The following DMD variants were observed in gnomAD, a reference collection of about 807,000 sequenced individuals.
DMD encodes the protein mutant dystrophin.
Under a neutral mutation model 330.1 loss-of-function variants are expected in DMD, and 63 were observed. The ratio of observed to expected loss-of-function variants is 0.19; its 90% confidence interval spans 0.16 to 0.24. The LOEUF (loss-of-function observed/expected upper bound fraction) is 0.24, where lower values mean the gene tolerates loss of function less well. Among genes scored for constraint, DMD ranks in the 10% least tolerant of loss-of-function variants. The pLI is 1.00. For synonymous variants in DMD, 1,223 were observed against 959.8 expected (o/e 1.27, Z -5.07); for missense variants, 3,344 against 2,684.1 (o/e 1.25, Z -5.43).
chrX:31,612,301 T>C (rs2077967559), intron 55 of DMD, among the ~76,000 whole-genome samples: 1 of 112,112 alleles, frequency 8.9e-6, no homozygotes, highest in Admixed American at 9.5e-5. Context: ...AGCTCATCTT[T>C]TGATTTGCTG....
intron 54 of DMD, among the ~76,000 whole-genome samples, chrX:31,641,866 T>C (rs1447819793): frequency 2.7e-5 from 3 of 111,702 alleles, no homozygotes; most frequent in Admixed American, 9.5e-5. Context: ...ATGTATAATA[T>C]CATTTAAGTG....
rs1420117233 is a variant in DMD at position 32,668,518 on chromosome X, C to A, written c.961-23366G>T. Reference sequence around the variant, plus strand: ...GGTTCCTTCGCATCTCTGCATTATTCACACATTGCTGTAGAAGGTGCTAAA... The same window carrying A: ...GGTTCCTTCGCATCTCTGCATTATTAACACATTGCTGTAGAAGGTGCTAAA... On this transcript the variant is annotated intron_variant, in intron 9 of 78. Transcript: ENST00000357033. Among the ~76,000 whole-genome samples, 4 of 112,162 alleles carry A rather than the reference C, an allele frequency of 3.6e-5. No individual in the cohort carries two copies. The East Asian group carries it at 1.1e-3, about 31-fold the overall frequency.
intron 17 of DMD, among the ~76,000 whole-genome samples, chrX:32,536,876 T>A (rs2048037764): frequency 8.9e-6 from 1 of 111,739 alleles, no homozygotes. Flanking sequence ...ATAATCTAAT[T>A]AAAACTGCAT....
At chrX:32,707,479 C>T (rs1328393056) in intron 7 of DMD, among the ~76,000 whole-genome samples, 1 of 111,415 alleles carries the variant, frequency 9.0e-6, no homozygotes. Flanking sequence ...AATGAAAATT[C>T]GCAACCAACT....
intron 60 of DMD, among the ~76,000 whole-genome samples, chrX:31,436,984 T>C (rs1358528991): frequency 8.9e-6 from 1 of 111,880 alleles, no homozygotes; most frequent in Non-Finnish European, 1.9e-5. Context: ...CACATCAGAC[T>C]AGATATTATA....
chrX:32,022,084 A>G lies in DMD; in HGVS notation c.6439-53570T>C, dbSNP rs187447509. ...AAAGTAGTAGGTATACATTACCTCA[A>G]TCATTCAAAAGCAATGAGATGTGGT... On this transcript the variant is annotated intron_variant, in intron 44 of 78. Coordinates refer to ENST00000357033, the MANE Select transcript of DMD (RefSeq NM_004006.3). Among the ~76,000 whole-genome samples, 6 of 111,887 alleles carry G rather than the reference A, an allele frequency of 5.4e-5. No individual in the cohort carries two copies. In the Admixed American group the frequency reaches 5.7e-4, roughly 11 times the overall value.
chrX:32,698,252 T>C (rs943016928), intron 8 of DMD, among the ~76,000 whole-genome samples: 1 of 111,260 alleles, frequency 9.0e-6, no homozygotes, highest in Non-Finnish European at 1.9e-5. Context: ...GATTCCAAAG[T>C]AACACAACTC....
At chrX:31,652,283 T>G (rs1005522736) in intron 54 of DMD, among the ~76,000 whole-genome samples, 1 of 111,636 alleles carries the variant, frequency 9.0e-6, no homozygotes, top group African/African-American at 3.3e-5. Context: ...CCTCCCTCTC[T>G]CTCTCCACTT....
chrX:32,604,662 C>T (rs1023195526), intron 12 of DMD, among the ~76,000 whole-genome samples: 2 of 110,419 alleles, frequency 1.8e-5, no homozygotes, highest in East Asian at 5.7e-4. Context: ...ACCCTTAAGA[C>T]TCCTCCAAAA....
chrX:32,203,820 C>A (rs1603628207), intron 44 of DMD, among the ~76,000 whole-genome samples: 1 of 111,794 alleles, frequency 8.9e-6, no homozygotes, highest in Admixed American at 9.5e-5. Context: ...TTATGAAGTG[C>A]TTTGTTATGT....
chrX:31,127,071 A>C (rs1162865219), intron 77 of DMD, among the ~76,000 whole-genome samples: 1 of 112,399 alleles, frequency 8.9e-6, no homozygotes, highest in Non-Finnish European at 1.9e-5. Flanking sequence ...AGCACATTGA[A>C]ACATAAACAG....
chrX:32,463,622 C>A, intron 24 of DMD, 28 bp from the exon 25 acceptor site: 2 of 1,091,196 alleles, frequency 1.8e-6, no homozygotes, highest in Non-Finnish European at 2.4e-6. Flanking sequence ...TTTAAGCCAG[C>A]TGAAAAAAAT....
Position 32,532,323 on chromosome X carries a change from G to T in DMD, c.2168+12836C>A, listed in dbSNP as rs754657832. Reference sequence around the variant, plus strand: ...ACAGACATAATCTAGAATAAGTGCAGCTTCCATAGACTTTGGCAAATTCTT... The same window carrying T: ...ACAGACATAATCTAGAATAAGTGCATCTTCCATAGACTTTGGCAAATTCTT... On this transcript the variant is annotated intron_variant, in intron 17 of 78. Transcript: ENST00000357033. Among the ~76,000 whole-genome samples the T allele has an allele frequency of 1.8e-4, 20 of 112,071 alleles. No homozygotes were observed. The South Asian group carries it at 6.9e-3, about 39-fold the overall frequency.
chrX:31,126,497 G>T (rs1198550405), intron 78 of DMD, 145 bp downstream of exon 78: 1 of 520,656 alleles, frequency 1.9e-6, no homozygotes, highest in Non-Finnish European at 3.4e-6. Flanking sequence ...GCTGCAAGTG[G>T]AGAGGTGACT....
At chrX:31,493,567 G>C (rs1334134375) in intron 57 of DMD, among the ~76,000 whole-genome samples, 2 of 110,310 alleles carry the variant, frequency 1.8e-5, no homozygotes, top group Non-Finnish European at 3.8e-5. Context: ...GAGGCAGTAT[G>C]GCTGGCATCC....
At chrX:31,479,720 G>A (rs898047559) in intron 57 of DMD, among the ~76,000 whole-genome samples, 5 of 112,085 alleles carry the variant, frequency 4.5e-5, no homozygotes, top group Admixed American at 9.5e-5. Context: ...TAGGAATTGC[G>A]GACACTAGTT....
intron 67 of DMD, among the ~76,000 whole-genome samples, chrX:31,197,513 TACA>T (rs2043020702): frequency 8.9e-6 from 1 of 112,335 alleles, no homozygotes; most frequent in Non-Finnish European, 1.9e-5. Flanking sequence ...TCTACATTAT[TACA>T]ACAACTGTGC....
chrX:32,970,029 G>A lies in DMD; in HGVS notation c.93+50110C>T, dbSNP rs1460304744. 1.3e-3 allele frequency among the ~76,000 whole-genome samples: 123 copies of A among 94,825 alleles called. 8 individuals are homozygous for A. Among genetic ancestry groups the A allele is most frequent in the Non-Finnish European group, 2.2e-4 (11 of 49,527 alleles). 82.3% of individuals were successfully genotyped at this position (94,825 alleles called of 115,157 possible). A position where few individuals can be genotyped will look rare whatever the true frequency, so the allele number is the denominator to read the frequency against. Reference sequence around the variant, plus strand: ...ATTAATCTCAAGAGTCTGGGCTTGTGTTACTCCATAGTCAATGATGGCGAT... The same window carrying A: ...ATTAATCTCAAGAGTCTGGGCTTGTATTACTCCATAGTCAATGATGGCGAT... On this transcript the variant is annotated intron_variant, in intron 2 of 78. Coordinates refer to ENST00000357033, the MANE Select transcript of DMD (RefSeq NM_004006.3).
intron 2 of DMD, among the ~76,000 whole-genome samples, chrX:32,975,211 A>C: frequency 9.0e-6 from 1 of 110,863 alleles, no homozygotes; most frequent in East Asian, 2.8e-4. Flanking sequence ...ATATCCAATA[A>C]ACCCAGCAAA....
Sources: allele counts gnomAD v4.1 joint callset (sites outside exome capture counted in the v4.1 genomes callset), GRCh38; gene constraint gnomAD v4.1.1; transcripts MANE v1.5; gene names NCBI Gene and HGNC (gene_info 2026-07-23, HGNC 2026-07-21).